TNFSF13B: variants seen among roughly 807,000 people sequenced by gnomAD.
TNFSF13B encodes the protein TNF superfamily member 13b, also known as tumor necrosis factor ligand superfamily member 13B.
TNFSF13B carries 8 observed loss-of-function variants against 29.1 expected under a neutral mutation model. That is an observed-to-expected ratio of 0.27 (90% CI 0.16 to 0.50). The LOEUF is 0.50. Among genes scored for constraint, TNFSF13B ranks in the 20% least tolerant of loss-of-function variants. TNFSF13B has a pLI of 0.98. For missense variants in TNFSF13B, 248 were observed against 334.9 expected (o/e 0.74, Z 2.03); for synonymous variants, 125 against 130.8 (o/e 0.96, Z 0.30).
chr13:108,274,205 G>C (rs1361102904), intron 2 of TNFSF13B, among the ~76,000 whole-genome samples: 1 of 151,886 alleles, frequency 6.6e-6, no homozygotes, highest in Non-Finnish European at 1.5e-5. Flanking sequence ...CAAAAGTTAA[G>C]CACAAAGTTT....
chr13:108,279,563 CTG>C (rs1281727030), intron 2 of TNFSF13B, among the ~76,000 whole-genome samples: 2 of 152,156 alleles, frequency 1.3e-5, no homozygotes, highest in Admixed American at 6.5e-5. Context: ...ACGCATGAGA[CTG>C]TGAATGTTGG....
At chr13:108,292,471 G>A (rs1214547503) in intron 3 of TNFSF13B, among the ~76,000 whole-genome samples, 1 of 151,964 alleles carries the variant, frequency 6.6e-6, no homozygotes, top group East Asian at 1.9e-4. Context: ...AGTATACATC[G>A]ATGAATCGAT....
At chr13:108,272,692 T>A (rs945470221) in intron 2 of TNFSF13B, among the ~76,000 whole-genome samples, 20 of 152,220 alleles carry the variant, frequency 1.3e-4, no homozygotes, top group African/African-American at 3.6e-4. Context: ...CTCTTTTTTT[T>A]AATTGATTAT....
At chr13:108,306,067 G>A (rs1156997380) in intron 5 of TNFSF13B, among the ~76,000 whole-genome samples, 1 of 152,018 alleles carries the variant, frequency 6.6e-6, no homozygotes, top group Non-Finnish European at 1.5e-5. Context: ...TTGAAGTGGG[G>A]TAAATAATTA....
intron 3 of TNFSF13B, among the ~76,000 whole-genome samples, chr13:108,288,411 C>T (rs939420688): frequency 6.6e-6 from 1 of 152,118 alleles, no homozygotes; most frequent in African/African-American, 2.4e-5. Context: ...TTGAAAAAAG[C>T]AGTTAGGACA....
rs755134226 is a variant in TNFSF13B, at chr13:108,303,629, C to A, written c.745+25C>A. On this transcript the variant is annotated intron_variant, in intron 5 of 5. Transcript: ENST00000375887. Reference sequence around the variant, plus strand: ...GGTAAATATTAGTTCTCACACCCTGCTAATTGTGAAATGAAGAGACTTTGA... The same window carrying A: ...GGTAAATATTAGTTCTCACACCCTGATAATTGTGAAATGAAGAGACTTTGA... 5.7e-6 allele frequency: 9 copies of A among 1,586,972 alleles called. 1 individual carries two copies. In the East Asian group the frequency reaches 1.1e-4, roughly 20 times the overall value.
intron 2 of TNFSF13B, among the ~76,000 whole-genome samples, chr13:108,279,961 C>A (rs185063288): frequency 3.8e-4 from 58 of 151,854 alleles, no homozygotes; most frequent in Non-Finnish European, 4.4e-5. Flanking sequence ...ATGCCCGGCC[C>A]GGGCACCAAG....
chr13:108,295,125 G>A (rs1326091969), intron 3 of TNFSF13B, among the ~76,000 whole-genome samples: 1 of 144,786 alleles, frequency 6.9e-6, no homozygotes, highest in African/African-American at 2.6e-5. Context: ...CTCAATGATT[G>A]TCATTTTTGT....
At chr13:108,271,274 G>A (rs1306367919) in intron 2 of TNFSF13B, among the ~76,000 whole-genome samples, 1 of 151,990 alleles carries the variant, frequency 6.6e-6, no homozygotes, top group East Asian at 1.9e-4. Flanking sequence ...CACCTGGAAC[G>A]TATCGTACAG....
At chr13:108,280,804 AGTT>A (rs1357436704) in intron 2 of TNFSF13B, among the ~76,000 whole-genome samples, 1 of 152,146 alleles carries the variant, frequency 6.6e-6, no homozygotes, top group Admixed American at 6.5e-5. Flanking sequence ...CACAAAACAT[AGTT>A]AAAATATGAG....
intron 3 of TNFSF13B, among the ~76,000 whole-genome samples, chr13:108,294,954 A>G (rs565534727): frequency 6.9e-6 from 1 of 145,124 alleles, no homozygotes; most frequent in South Asian, 2.1e-4. Context: ...GTTTCTAGGA[A>G]TTTGTCCCAT....
intron 2 of TNFSF13B, among the ~76,000 whole-genome samples, chr13:108,281,065 A>G (rs1450889466): frequency 1.3e-5 from 2 of 152,004 alleles, no homozygotes; most frequent in African/African-American, 2.4e-5. Flanking sequence ...TGACCAACAC[A>G]GAGAAACCCT....
chr13:108,293,943 C>T (rs1432518356), intron 3 of TNFSF13B, among the ~76,000 whole-genome samples: 2 of 152,304 alleles, frequency 1.3e-5, no homozygotes, highest in East Asian at 3.9e-4. Context: ...TTCCCAAAGG[C>T]ACCACCCCCT....
chr13:108,293,305 T>A (rs923938267), intron 3 of TNFSF13B, among the ~76,000 whole-genome samples: 1 of 152,210 alleles, frequency 6.6e-6, no homozygotes, highest in South Asian at 2.1e-4. Context: ...GCTGGACCAC[T>A]ATACTATTTG....
intron 2 of TNFSF13B, among the ~76,000 whole-genome samples, chr13:108,278,751 A>G (rs1388062782): frequency 1.7e-5 from 1 of 58,502 alleles, no homozygotes; most frequent in Non-Finnish European, 3.5e-5. Context: ...GTTATTTGAG[A>G]CAGGGAAGGG....
intron 3 of TNFSF13B, among the ~76,000 whole-genome samples, chr13:108,301,576 G>A (rs958286168): frequency 1.3e-5 from 2 of 152,082 alleles, no homozygotes; most frequent in African/African-American, 2.4e-5. Context: ...ACATATATGT[G>A]GAATCTAAAA....
intron 2 of TNFSF13B, among the ~76,000 whole-genome samples, chr13:108,273,964 C>T (rs1880690583): frequency 6.6e-6 from 1 of 152,098 alleles, no homozygotes; most frequent in Non-Finnish European, 1.5e-5. Context: ...TTAGCTTACT[C>T]AATGTGAAGA....
At chr13:108,306,732 A>ATTT (rs11381410) in intron 5 of TNFSF13B, 94 bp from the exon 6 acceptor site, 152 of 585,938 alleles carry the variant, frequency 2.6e-4, no homozygotes, top group East Asian at 2.5e-3. Context: ...CTATGTTAAC[A>ATTT]TTTTTTTTTT....
chr13:108,283,406 T>C (rs1201046730), intron 2 of TNFSF13B, among the ~76,000 whole-genome samples: 1 of 152,236 alleles, frequency 6.6e-6, no homozygotes, highest in Non-Finnish European at 1.5e-5. Context: ...TATTTTCTCT[T>C]CTGAAGAACA....
Sources: allele counts gnomAD v4.1 joint callset (sites outside exome capture counted in the v4.1 genomes callset), GRCh38; gene constraint gnomAD v4.1.1; transcripts MANE v1.5; gene names NCBI Gene and HGNC (gene_info 2026-07-23, HGNC 2026-07-21).